Variants in FBN2 observed in about 807,000 individuals in gnomAD.
FBN2 encodes the protein fibrillin 2.
In FBN2, 105 loss-of-function variants were observed where a neutral mutation model predicts 355.6. The ratio of observed to expected loss-of-function variants is 0.30; its 90% CI spans 0.25 to 0.35. The LOEUF (loss-of-function observed/expected upper bound fraction) is 0.35, where lower values mean the gene tolerates loss of function less well. Among genes scored for constraint, FBN2 ranks in the 10% least tolerant of loss-of-function variants. The pLI is 1.00. For synonymous variants in FBN2, 1,350 were observed against 1,301.2 expected, an observed-to-expected ratio of 1.04 and a Z score of -0.81; for missense variants, 3,280 against 3,758.7, an observed-to-expected ratio of 0.87 and a Z score of 3.33.
intron 14 of FBN2, 77 bp downstream of exon 14, chr5:128,376,654 T>C (rs1482661177): frequency 8.5e-6 from 13 of 1,531,308 alleles, no homozygotes; most frequent in Non-Finnish European, 1.2e-5. Flanking sequence ...GAAGCTGAAG[T>C]AATTCTTCCA....
At chr5:128,310,398 ATATATTT>A (rs1401508260) in intron 39 of FBN2, among the ~76,000 whole-genome samples, 483 of 10,546 alleles carry the variant, frequency 0.046, 2 homozygotes, top group African/African-American at 0.062. Context: ...ATATATATAT[ATATATTT>A]TTTTTTTTTT....
At chr5:128,410,022 T>C (rs1198308876) in intron 7 of FBN2, among the ~76,000 whole-genome samples, 1 of 152,200 alleles carries the variant, frequency 6.6e-6, no homozygotes, top group African/African-American at 2.4e-5. Context: ...GTGTGTCTTC[T>C]TGGCATGTTC....
chr5:128,304,845 C>T (rs1199403672), intron 45 of FBN2, 112 bp downstream of exon 45: 3 of 1,414,264 alleles, frequency 2.1e-6, no homozygotes, highest in Middle Eastern at 1.8e-4. Flanking sequence ...TAATTTTTTG[C>T]AAGATTGTTT....
At chr5:128,416,024 CA>C (rs1753186603) in intron 7 of FBN2, among the ~76,000 whole-genome samples, 1 of 147,868 alleles carries the variant, frequency 6.8e-6, no homozygotes, top group Non-Finnish European at 1.5e-5. Context: ...CCATAGTTTG[CA>C]CTTTTTTTTT....
chr5:128,356,853 T>C (rs1256952555), intron 20 of FBN2, among the ~76,000 whole-genome samples: 2 of 152,208 alleles, frequency 1.3e-5, no homozygotes, highest in Admixed American at 1.3e-4. Flanking sequence ...ATTCCCTCTA[T>C]GTGTTTAAAA....
At chr5:128,463,541 C>T (rs552786371) in intron 6 of FBN2, among the ~76,000 whole-genome samples, 71 of 152,084 alleles carry the variant, frequency 4.7e-4, no homozygotes, top group Admixed American at 6.5e-4. Context: ...AGAAATAGAC[C>T]ATTTTAAAAA....
intron 5 of FBN2, among the ~76,000 whole-genome samples, chr5:128,500,491 G>A (rs1341078658): frequency 7.9e-6 from 1 of 126,646 alleles, no homozygotes; most frequent in Admixed American, 9.4e-5. Context: ...CACCCAGGCC[G>A]GACTGCTGTG....
At chr5:128,290,690 A>AGTG in intron 50 of FBN2, 42 bp downstream of exon 50, 1 of 1,603,966 alleles carries the variant, frequency 6.2e-7, no homozygotes, top group Non-Finnish European at 8.5e-7. Flanking sequence ...ACATTCAAAA[A>AGTG]CTGGTACACA....
intron 62 of FBN2, among the ~76,000 whole-genome samples, chr5:128,265,980 A>G (rs1287445718): frequency 2.0e-5 from 3 of 151,948 alleles, no homozygotes; most frequent in Non-Finnish European, 1.5e-5. Context: ...CCCATCAATC[A>G]TATGAATGGC....
chr5:128,304,778 G>A (rs117310703), intron 45 of FBN2, among the ~76,000 whole-genome samples, 179 bp downstream of exon 45: 1 of 151,964 alleles, frequency 6.6e-6, no homozygotes, highest in East Asian at 1.9e-4. Context: ...ATATATTGCA[G>A]TATGTCCCTG....
chr5:128,527,812 A>G (rs1168355826), intron 4 of FBN2, 60 bp downstream of exon 4: 7 of 1,218,202 alleles, frequency 5.7e-6, no homozygotes, highest in Non-Finnish European at 7.2e-6. Context: ...ACCTTAAATT[A>G]TAACTTAATA....
rs886059905 is a variant in FBN2 at position 128,537,822 on chromosome 5, G to C, written c.-219C>G. 6 of 602,676 alleles carry C rather than the reference G, an allele frequency of 1.0e-5. No individual in the cohort carries two copies. The highest frequency in any genetic ancestry group is 9.3e-5 in the African/African-American group (5 of 53,602). The allele number at this position is 602,676 out of a possible 1,614,324, so 37.3% of individuals were successfully genotyped here. A position where few individuals can be genotyped will look rare whatever the true frequency, so the allele number is the denominator to read the frequency against. On this transcript the variant is annotated 5_prime_UTR_variant, in exon 1 of 65. It introduces an in-frame stop codon into an upstream open reading frame of the 5' UTR. Transcript: ENST00000262464. ...CGCGGGGCGCCGGGTCTAGCGCAGT[G>C]AGCGGCGAGGCGCGGCGGAGGTGCA...
At chr5:128,435,978 C>T (rs1410629221) in intron 7 of FBN2, among the ~76,000 whole-genome samples, 2 of 152,154 alleles carry the variant, frequency 1.3e-5, no homozygotes, top group African/African-American at 4.8e-5. Flanking sequence ...CCTATGCATG[C>T]AACTTTCCAT....
At chr5:128,321,231 C>T (rs1253099564) in intron 34 of FBN2, among the ~76,000 whole-genome samples, 1 of 152,148 alleles carries the variant, frequency 6.6e-6, no homozygotes, top group East Asian at 1.9e-4. Flanking sequence ...CACATTTCCT[C>T]AGAATTCTGT....
chr5:128,368,045 A>C lies in FBN2; in HGVS notation c.2248+1137T>G, dbSNP rs563747805. On this transcript the variant is annotated intron_variant, in intron 16 of 64. Coordinates refer to ENST00000262464, the MANE Select transcript of FBN2 (RefSeq NM_001999.4). ...TCTTACTCATTTTTTTCAAGACCAA[A>C]CTAAACGTGCCCCTTCTTTGAGGTC... Among the ~76,000 whole-genome samples the C allele has an allele frequency of 2.0e-5, 3 of 152,082 alleles. No individual in the cohort carries two copies. In the East Asian group the frequency reaches 5.8e-4, roughly 29 times the overall value.
At chr5:128,533,128 A>C (rs2112805209) in intron 2 of FBN2, among the ~76,000 whole-genome samples, 1 of 152,350 alleles carries the variant, frequency 6.6e-6, no homozygotes, top group East Asian at 1.9e-4. Flanking sequence ...CCTGCCATGG[A>C]GTTGACTCTT....
At chr5:128,327,427 T>C (rs994202194) in intron 34 of FBN2, among the ~76,000 whole-genome samples, 8 of 152,186 alleles carry the variant, frequency 5.3e-5, no homozygotes, top group African/African-American at 1.9e-4. Context: ...GTTTGGTTGA[T>C]GCTGATGAAT....
intron 7 of FBN2, among the ~76,000 whole-genome samples, chr5:128,444,081 T>G (rs974474513): frequency 7.1e-6 from 1 of 139,982 alleles, no homozygotes; most frequent in African/African-American, 2.7e-5. Flanking sequence ...TTTTTTTTTT[T>G]TTGAGACGGA....
chr5:128,442,988 T>A (rs887807462), intron 7 of FBN2, among the ~76,000 whole-genome samples: 1 of 152,198 alleles, frequency 6.6e-6, no homozygotes, highest in African/African-American at 2.4e-5. Flanking sequence ...AAAACATTTT[T>A]AATAAAAACT....
Sources: gnomAD v4.1 joint callset for allele counts (sites outside exome capture counted in the v4.1 genomes callset) on GRCh38, gnomAD v4.1.1 for gene constraint, MANE v1.5 for transcripts, NCBI Gene and HGNC (gene_info 2026-07-23, HGNC 2026-07-21) for gene names.